Variants in GFRA1 observed in about 807,000 individuals in gnomAD.
GFRA1 encodes GDNF family receptor alpha-1.
In GFRA1, 16 loss-of-function variants were observed where a neutral mutation model predicts 51.6. The observed-to-expected ratio is 0.31, with a 90% CI of 0.21 to 0.47. The LOEUF (loss-of-function observed/expected upper bound fraction) is 0.47. Among genes scored for constraint, GFRA1 ranks in the 20% least tolerant of loss-of-function variants. GFRA1 has a pLI of 1.00. For missense variants in GFRA1, 530 were observed against 594.3 expected, an observed-to-expected ratio of 0.89 and a Z score of 1.13; for synonymous variants, 270 against 241.3, an observed-to-expected ratio of 1.12 and a Z score of -1.10.
intron 4 of GFRA1, among the ~76,000 whole-genome samples, chr10:116,266,140 G>C (rs1438081799): frequency 6.6e-6 from 1 of 152,112 alleles, no homozygotes; most frequent in Non-Finnish European, 1.5e-5. Context: ...AGTGAATGTG[G>C]GTTTGAGGAA....
At chr10:116,213,951 T>C (rs1965384499) in intron 4 of GFRA1, among the ~76,000 whole-genome samples, 1 of 152,184 alleles carries the variant, frequency 6.6e-6, no homozygotes, top group Non-Finnish European at 1.5e-5. Flanking sequence ...TCAGTCCCAC[T>C]ACAGGAAACC....
chr10:116,067,469 C>T (rs1459421564), intron 9 of GFRA1, among the ~76,000 whole-genome samples: 1 of 152,194 alleles, frequency 6.6e-6, no homozygotes, highest in Non-Finnish European at 1.5e-5. Context: ...CTCGTGGTCA[C>T]AGCCAAGTTG....
intron 5 of GFRA1, among the ~76,000 whole-genome samples, chr10:116,198,949 A>G (rs914690933): frequency 6.6e-6 from 1 of 152,182 alleles, no homozygotes; most frequent in African/African-American, 2.4e-5. Context: ...ATAAGAAAAG[A>G]AGATATCCAG....
intron 8 of GFRA1, among the ~76,000 whole-genome samples, chr10:116,092,424 G>A (rs945160322): frequency 6.6e-5 from 10 of 151,192 alleles, no homozygotes; most frequent in East Asian, 4.1e-4. Flanking sequence ...GTGTGTGTGC[G>A]TGTGTATGCA....
intron 4 of GFRA1, among the ~76,000 whole-genome samples, chr10:116,251,881 G>C (rs1034532577): frequency 6.6e-6 from 1 of 151,846 alleles, no homozygotes; most frequent in African/African-American, 2.4e-5. Context: ...AGCAGAAATG[G>C]GCAGGAGGGA....
intron 6 of GFRA1, among the ~76,000 whole-genome samples, chr10:116,115,874 G>A (rs1428927905): frequency 1.3e-5 from 2 of 152,162 alleles, no homozygotes; most frequent in African/African-American, 4.8e-5. Context: ...CTGGTGGACA[G>A]AGCAGAAGGG....
intron 6 of GFRA1, among the ~76,000 whole-genome samples, chr10:116,103,040 G>C (rs1274793113): frequency 6.6e-6 from 1 of 152,182 alleles, no homozygotes; most frequent in East Asian, 1.9e-4. Context: ...AGATGCACAG[G>C]CTTGGGAGTG....
rs1482666481 is a variant in GFRA1 at position 116,196,566 on chromosome 10, A to G, written c.433+15065T>C. Among the ~76,000 whole-genome samples the G allele has an allele frequency of 5.8e-5, 3 of 51,504 alleles. 1 individual carries two copies. Among genetic ancestry groups the G allele is most frequent in the Non-Finnish European group, 7.6e-5 (2 of 26,322 alleles). The allele number at this position is 51,504 out of a possible 152,430, so 33.8% of individuals were successfully genotyped here. A position where few individuals can be genotyped will look rare whatever the true frequency, so the allele number is the denominator to read the frequency against. On this transcript the variant is annotated intron_variant, in intron 5 of 10. Coordinates refer to ENST00000355422, the MANE Select transcript of GFRA1 (RefSeq NM_005264.8). ...ATATATATTTTTATATATACTATAT[A>G]TAATATATATAATATATAGTACTAT...
chr10:116,097,823 C>T (rs1411101595), intron 6 of GFRA1, among the ~76,000 whole-genome samples: 1 of 152,198 alleles, frequency 6.6e-6, no homozygotes, highest in African/African-American at 2.4e-5. Flanking sequence ...CTTCTTTCCA[C>T]CTAAGAGACT....
intron 9 of GFRA1, among the ~76,000 whole-genome samples, chr10:116,081,670 T>A (rs1358510923): frequency 1.3e-5 from 2 of 152,134 alleles, no homozygotes; most frequent in African/African-American, 2.4e-5. Context: ...GTTTTATTAA[T>A]GCCTGGCCAT....
chr10:116,255,605 T>C, intron 4 of GFRA1: 1 of 1,288,966 alleles, frequency 7.8e-7, no homozygotes, highest in Non-Finnish European at 1.0e-6. Flanking sequence ...GTACACGCCC[T>C]TTCCTTTTCC....
intron 5 of GFRA1, among the ~76,000 whole-genome samples, chr10:116,189,966 T>C (rs1166038528): frequency 1.3e-5 from 2 of 151,940 alleles, no homozygotes; most frequent in African/African-American, 4.8e-5. Context: ...AAATGCTCCC[T>C]AGGGAGGTAT....
At chr10:116,244,656 C>T (rs1341277188) in intron 4 of GFRA1, among the ~76,000 whole-genome samples, 1 of 151,716 alleles carries the variant, frequency 6.6e-6, no homozygotes, top group Non-Finnish European at 1.5e-5. Context: ...ACCTGAACAC[C>T]TGACCCCAAA....
chr10:116,068,985 CT>C (rs1407881293), intron 9 of GFRA1, among the ~76,000 whole-genome samples: 1 of 152,080 alleles, frequency 6.6e-6, no homozygotes, highest in Admixed American at 6.6e-5. Context: ...AGAAAAGCAC[CT>C]TTTATTCCTG....
chr10:116,114,861 T>C (rs1323168750), intron 6 of GFRA1, among the ~76,000 whole-genome samples: 2 of 152,230 alleles, frequency 1.3e-5, no homozygotes, highest in African/African-American at 2.4e-5. Context: ...GCTGAGGTAC[T>C]TGCACAAAAA....
chr10:116,159,636 G>T (rs773907997), intron 5 of GFRA1, among the ~76,000 whole-genome samples: 1 of 152,140 alleles, frequency 6.6e-6, no homozygotes, highest in Admixed American at 6.5e-5. Flanking sequence ...GGCTGGAAAC[G>T]AACACTCTGA....
chr10:116,241,993 C>T (rs1169018196), intron 4 of GFRA1, among the ~76,000 whole-genome samples: 1 of 152,186 alleles, frequency 6.6e-6, no homozygotes, highest in East Asian at 1.9e-4. Context: ...CATAAAACAG[C>T]TGTGTTTACA....
intron 6 of GFRA1, among the ~76,000 whole-genome samples, chr10:116,112,297 A>G (rs1032737349): frequency 1.3e-5 from 2 of 152,142 alleles, no homozygotes; most frequent in African/African-American, 2.4e-5. Flanking sequence ...TAACTCTCCA[A>G]TAGGAATTCC....
intron 4 of GFRA1, among the ~76,000 whole-genome samples, chr10:116,250,784 T>C: frequency 6.6e-6 from 1 of 152,120 alleles, no homozygotes; most frequent in East Asian, 1.9e-4. Context: ...TGGCCATAGC[T>C]CCCTCCTGAG....
Sources: gnomAD v4.1 joint callset for allele counts (sites outside exome capture counted in the v4.1 genomes callset) on GRCh38, gnomAD v4.1.1 for gene constraint, MANE v1.5 for transcripts, NCBI Gene and HGNC (gene_info 2026-07-23, HGNC 2026-07-21) for gene names.